Variants in CATSPERE observed in about 807,000 individuals in gnomAD.
CATSPERE encodes the protein catsper channel auxiliary subunit epsilon, also known as cation channel sperm-associated auxiliary subunit epsilon.
Under a neutral mutation model 114.1 loss-of-function variants are expected in CATSPERE, and 93 were observed. The ratio of observed to expected loss-of-function variants is 0.81; its 90% CI spans 0.69 to 0.97. The LOEUF is 0.97. CATSPERE is among the 50% of genes least tolerant of loss of function. The probability of loss-of-function intolerance (pLI) is 0.00; values close to 1 mark genes in which losing one functional copy is unlikely to be tolerated. For synonymous variants in CATSPERE, 341 were observed against 384.1 expected (o/e 0.89, Z 1.31); for missense variants, 1,058 against 1,131.6 (o/e 0.93, Z 0.93).
At chr1:244,630,516 T>C (rs1270443134) in intron 20 of CATSPERE, among the ~76,000 whole-genome samples, 3 of 152,106 alleles carry the variant, frequency 2.0e-5, no homozygotes, top group African/African-American at 4.8e-5. Context: ...GTGGGGGAGA[T>C]AGCAACTACT....
chr1:244,620,109 G>T (rs143977708), intron 20 of CATSPERE, among the ~76,000 whole-genome samples: 3 of 152,294 alleles, frequency 2.0e-5, no homozygotes, highest in African/African-American at 4.8e-5. Context: ...GGATATTATT[G>T]TATGTGGCCG....
chr1:244,572,498 G>A lies in CATSPERE; in HGVS notation c.1676G>A (p.Gly559Asp). 6.2e-7 allele frequency: 1 copy of A among 1,614,040 alleles called. No individual in the cohort carries two copies. Among genetic ancestry groups the A allele is most frequent in the Non-Finnish European group, 8.5e-7 (1 of 1,179,934 alleles). ...QTYFLYALDD[G>D]TIQIQDYPLH... Reference sequence around the variant, plus strand: ...TATTTCCTGTATGCTTTGGATGATGGCACAATACAAATACAGGACTATCCC... The same window carrying A: ...TATTTCCTGTATGCTTTGGATGATGACACAATACAAATACAGGACTATCCC... Residue 559 changes from glycine (G) to aspartate (D), a missense_variant, in exon 11 of 22, where the codon GGC becomes GAC. Physicochemically the swap from Gly to Asp is moderately conservative, Grantham distance 94. This residue lies in a region of CATSPERE where 787 missense variants were observed against 905.6 expected (regional missense o/e 0.87). Coordinates refer to ENST00000366534, the MANE Select transcript of CATSPERE (RefSeq NM_001130957.2).
chr1:244,476,803 GA>G (rs1328270959), intron 2 of CATSPERE, among the ~76,000 whole-genome samples: 3 of 152,088 alleles, frequency 2.0e-5, no homozygotes, highest in South Asian at 4.1e-4. Context: ...GAGAGGCAGG[GA>G]AAAAAGTAGC....
rs1391247527 is a variant in CATSPERE, at chr1:244,588,487, C to A, written c.2091C>A (p.Phe697Leu). ...CCTAAGTTACTTCATTTTAGGTGTTCCAAATAGCTGTTGGCTGTGATGATA... is the reference window on the plus strand; with the variant it reads ...CCTAAGTTACTTCATTTTAGGTGTTACAAATAGCTGTTGGCTGTGATGATA... Reference protein sequence around the residue: ...SKACPIAQKVFQIAVGCDDKK... With the variant: ...SKACPIAQKVLQIAVGCDDKK... The change falls in exon 14 of 22, where the codon TTC becomes TTA. Residue 697 changes from phenylalanine to leucine, a missense_variant. Phe to Leu is a conservative substitution (Grantham distance 22). Around this residue, in one of 2 missense-constraint regions of CATSPERE, gnomAD observed 787 missense variants for 905.6 expected, o/e 0.87. Transcript: ENST00000366534. The A allele has an allele frequency of 3.1e-6, 5 of 1,610,660 alleles. No homozygotes were observed. The highest frequency in any genetic ancestry group is 1.7e-5 in the Admixed American group (1 of 59,994).
chr1:244,498,646 G>T (rs554363361), intron 6 of CATSPERE, among the ~76,000 whole-genome samples: 1 of 152,002 alleles, frequency 6.6e-6, no homozygotes, highest in African/African-American at 2.4e-5. Context: ...GCCTGTAATC[G>T]CAGCACTTTG....
Position 244,633,973 on chromosome 1 carries a change from C to T in CATSPERE, c.2649-1516C>T, listed in dbSNP as rs1674307795. On this transcript the variant is annotated intron_variant, in intron 20 of 21. Coordinates refer to ENST00000366534, the MANE Select transcript of CATSPERE (RefSeq NM_001130957.2). The surrounding 1 kb of genome is among the most constrained non-coding windows in gnomAD (Gnocchi z 4.1). ...TACGCCTCCCGGTTCAAGCAATTCT[C>T]CTGCCTCAACCTCCCAAGTAGCTGG... Among the ~76,000 whole-genome samples the T allele has an allele frequency of 6.6e-6, 1 of 151,632 alleles. No homozygotes were observed. Among genetic ancestry groups the T allele is most frequent in the Non-Finnish European group, 1.5e-5 (1 of 67,960 alleles).
intron 17 of CATSPERE, among the ~76,000 whole-genome samples, chr1:244,600,739 C>A (rs1460855183): frequency 1.3e-5 from 2 of 151,578 alleles, no homozygotes; most frequent in East Asian, 3.9e-4. Flanking sequence ...GGAAAAGTCA[C>A]CACCATCAAA....
chr1:244,570,174 G>A (rs1227804186), intron 10 of CATSPERE, among the ~76,000 whole-genome samples: 1 of 152,036 alleles, frequency 6.6e-6, no homozygotes, highest in Non-Finnish European at 1.5e-5. Context: ...AATTTCAGAA[G>A]TTCTTGTCTT....
chr1:244,528,787 A>ACGCATGCG (rs57165279), intron 8 of CATSPERE, among the ~76,000 whole-genome samples: 33 of 129,890 alleles, frequency 2.5e-4, no homozygotes, highest in African/African-American at 8.8e-4. Context: ...ATCCCCCACC[A>ACGCATGCG]CACACACACA....
intron 20 of CATSPERE, among the ~76,000 whole-genome samples, chr1:244,630,792 G>C (rs1427315030): frequency 6.6e-6 from 1 of 151,922 alleles, no homozygotes; most frequent in Non-Finnish European, 1.5e-5. Context: ...GTTCGCATCT[G>C]ATCAATTCAC....
chr1:244,582,096 A>G (rs1490756050), intron 12 of CATSPERE, among the ~76,000 whole-genome samples: 1 of 152,246 alleles, frequency 6.6e-6, no homozygotes, highest in African/African-American at 2.4e-5. Context: ...GAAGATGCAA[A>G]AAAAGGGCTG....
intron 5 of CATSPERE, among the ~76,000 whole-genome samples, chr1:244,481,920 T>C (rs1670331975): frequency 6.6e-6 from 1 of 152,198 alleles, no homozygotes; most frequent in Non-Finnish European, 1.5e-5. Context: ...CTAGGACATC[T>C]GCCAAGAAGC....
chr1:244,530,518 G>A (rs3005938), intron 8 of CATSPERE, among the ~76,000 whole-genome samples: 19,586 of 152,008 alleles, frequency 0.13, 2,197 homozygotes, highest in African/African-American at 0.3. Context: ...GGTGGGTTCT[G>A]TAAAAATTTT....
intron 5 of CATSPERE, among the ~76,000 whole-genome samples, chr1:244,485,509 T>G (rs1387663424): frequency 6.6e-6 from 1 of 152,044 alleles, no homozygotes; most frequent in Non-Finnish European, 1.5e-5. Flanking sequence ...TTCTCCCTTA[T>G]TCTTTTTTTT....
intron 10 of CATSPERE, among the ~76,000 whole-genome samples, chr1:244,569,435 T>C (rs1185436259): frequency 6.6e-6 from 1 of 152,346 alleles, no homozygotes; most frequent in East Asian, 1.9e-4. Flanking sequence ...GTTTGGACAT[T>C]TTTGCATTGG....
Position 244,561,018 on chromosome 1 carries a change from A to ATT in CATSPERE, c.1381_1382insTT (p.Trp461PhefsTer43). Reference sequence around the variant, plus strand: ...TTTCAGCACTGCCAGGATTACTGCTATGGAACAAGCATAGTATCTACTATT... The same window carrying ATT: ...TTTCAGCACTGCCAGGATTACTGCTATTTGGAACAAGCATAGTATCTACTATT... On this transcript the variant is annotated frameshift_variant, in exon 10 of 22. Transcript: ENST00000366534. LOFTEE classifies it high-confidence loss of function. 6.2e-7 allele frequency: 1 copy of ATT among 1,613,104 alleles called. No individual in the cohort carries two copies. The highest frequency in any genetic ancestry group is 1.1e-5 in the South Asian group (1 of 91,068).
intron 20 of CATSPERE, among the ~76,000 whole-genome samples, chr1:244,630,598 A>T (rs1259063073): frequency 6.6e-6 from 1 of 152,188 alleles, no homozygotes; most frequent in East Asian, 1.9e-4. Flanking sequence ...AAATAACTTA[A>T]ATTGAGTTAT....
At chr1:244,546,181 T>C (rs1659722711) in intron 8 of CATSPERE, among the ~76,000 whole-genome samples, 1 of 152,156 alleles carries the variant, frequency 6.6e-6, no homozygotes, top group Non-Finnish European at 1.5e-5. Flanking sequence ...ACCCCATCAC[T>C]ACACCATCTT....
At position 244,502,907 on chromosome 1, in the gene CATSPERE, C is replaced by T. The variant is rs182894926; in HGVS notation, c.429+3828C>T. ...ACAGAGGAGAGAAAGGTTCCCATCC[C>T]CCATTGGTCAGAGGTTTCCCCCTGG... is the stretch of plus-strand genomic sequence containing the variant. On this transcript the variant is annotated intron_variant, in intron 7 of 21. Coordinates refer to ENST00000366534, the MANE Select transcript of CATSPERE (RefSeq NM_001130957.2). 7.2e-4 allele frequency among the ~76,000 whole-genome samples: 110 copies of T among 152,230 alleles called. 1 individual carries two copies. Among genetic ancestry groups the T allele is most frequent in the African/African-American group, 2.5e-3 (103 of 41,542 alleles).
Sources: gnomAD v4.1 joint callset for allele counts (sites outside exome capture counted in the v4.1 genomes callset) on GRCh38, gnomAD v4.1.1 for gene constraint, gnomAD v4.1.1 regional missense constraint, Gnocchi (gnomAD v3.1) non-coding constraint, MANE v1.5 for transcripts, NCBI Gene and HGNC (gene_info 2026-07-23, HGNC 2026-07-21) for gene names.